PRCP: variants seen among roughly 807,000 people sequenced by gnomAD.
PRCP encodes prolylcarboxypeptidase.
PRCP carries 46 observed loss-of-function variants against 54.2 expected under a neutral mutation model. The observed-to-expected ratio is 0.85, with a 90% confidence interval of 0.67 to 1.09. PRCP has a LOEUF of 1.09. PRCP is among the 50% of genes least tolerant of loss of function. The pLI is 0.00. For missense variants in PRCP, 613 were observed against 596.8 expected, an observed-to-expected ratio of 1.03 and a Z score of -0.28; for synonymous variants, 240 against 212.2, an observed-to-expected ratio of 1.13 and a Z score of -1.14.
At chr11:82,846,083 T>C (rs1319302103) in intron 6 of PRCP, 1 of 152,184 alleles carries the variant, frequency 6.6e-6, no homozygotes, top group Non-Finnish European at 1.5e-5. Flanking sequence ...CTTTTTTTCA[T>C]AACCTAACTG....
At chr11:82,841,289 T>C (rs1858665039) in intron 6 of PRCP, among the ~76,000 whole-genome samples, 1 of 148,412 alleles carries the variant, frequency 6.7e-6, no homozygotes, top group South Asian at 2.1e-4. Context: ...AAAGGAAAAC[T>C]GTAAAAGAGA....
At chr11:82,832,553 T>C (rs1406528383) in intron 8 of PRCP, among the ~76,000 whole-genome samples, 2 of 152,238 alleles carry the variant, frequency 1.3e-5, no homozygotes, top group Admixed American at 6.5e-5. Flanking sequence ...ATGGGGTTAT[T>C]TGTTTTTCTC....
intron 1 of PRCP, among the ~76,000 whole-genome samples, chr11:82,892,996 A>T (rs1860038771): frequency 6.6e-6 from 1 of 152,180 alleles, no homozygotes; most frequent in African/African-American, 2.4e-5. Context: ...TAAGTGACTG[A>T]TTGAGTATGG....
chr11:82,840,612 T>C (rs1390850418), intron 6 of PRCP: 1 of 152,192 alleles, frequency 6.6e-6, no homozygotes, highest in East Asian at 1.9e-4. Context: ...CTTTTCCATA[T>C]GTTTCAAACT....
chr11:82,876,452 G>C (rs1449450970), intron 1 of PRCP, among the ~76,000 whole-genome samples: 1 of 152,070 alleles, frequency 6.6e-6, no homozygotes, highest in Non-Finnish European at 1.5e-5. Flanking sequence ...TTTGCATTTG[G>C]CACGTGATAT....
intron 8 of PRCP, chr11:82,827,894 A>G (rs1858279714): frequency 6.6e-6 from 1 of 152,248 alleles, no homozygotes; most frequent in Admixed American, 6.5e-5. Context: ...CTTCTAATAC[A>G]TAAATATGAG....
At chr11:82,896,678 C>CAA (rs68047129) in intron 1 of PRCP, among the ~76,000 whole-genome samples, 242 of 55,332 alleles carry the variant, frequency 4.4e-3, no homozygotes, top group Non-Finnish European at 4.9e-3. Context: ...GACTCCAACT[C>CAA]AAAAAAAAAA....
intron 1 of PRCP, among the ~76,000 whole-genome samples, chr11:82,877,734 G>A (rs1472572276): frequency 6.6e-6 from 1 of 152,228 alleles, no homozygotes; most frequent in Non-Finnish European, 1.5e-5. Context: ...TTGCTGCAGG[G>A]GTGGAGCCCT....
At chr11:82,834,934 G>A (rs1858482660) in intron 8 of PRCP, among the ~76,000 whole-genome samples, 1 of 152,180 alleles carries the variant, frequency 6.6e-6, no homozygotes, top group Non-Finnish European at 1.5e-5. Flanking sequence ...AATTAGCCAG[G>A]TGAGCTGTAG....
At chr11:82,877,580 C>A (rs1426972373) in intron 1 of PRCP, among the ~76,000 whole-genome samples, 2 of 152,238 alleles carry the variant, frequency 1.3e-5, no homozygotes, top group South Asian at 2.1e-4. Context: ...TAGGCTGTGA[C>A]TTCAGAGGGT....
intron 3 of PRCP, among the ~76,000 whole-genome samples, chr11:82,852,511 G>C (rs1342978608): frequency 6.6e-6 from 1 of 152,156 alleles, no homozygotes; most frequent in East Asian, 1.9e-4. Context: ...CCTTGGTTAA[G>C]ATAATGCTAA....
At chr11:82,895,534 C>A (rs1254065058) in intron 1 of PRCP, among the ~76,000 whole-genome samples, 1 of 152,156 alleles carries the variant, frequency 6.6e-6, no homozygotes, top group Non-Finnish European at 1.5e-5. Context: ...TAATTTAGAT[C>A]AAGGTCAATC....
chr11:82,899,334 A>G (rs1369472595), intron 1 of PRCP, among the ~76,000 whole-genome samples: 3 of 152,226 alleles, frequency 2.0e-5, no homozygotes, highest in Non-Finnish European at 4.4e-5. Context: ...TCAAGGAACT[A>G]GGCTCACAGA....
intron 1 of PRCP, among the ~76,000 whole-genome samples, chr11:82,886,991 C>T (rs1162489495): frequency 6.6e-6 from 1 of 152,180 alleles, no homozygotes; most frequent in African/African-American, 2.4e-5. Context: ...GTGTTGGAAG[C>T]CCACCTCCAA....
rs1456304516 is a variant in PRCP, at chr11:82,859,985, T to C, written c.301A>G (p.Asn101Asp). ...GNEGDIIWFC[N>D]NTGFMWDVAE... ...CATGAATCTGCACATACCGTGTTAT[T>C]ACAAAACCAGATAATGTCCCCTTCA... Residue 101 changes from asparagine (N) to aspartate (D), a missense_variant, in exon 2 of 9, where the codon AAT becomes GAT. By Grantham distance (23) the Asn-to-Asp change is conservative. Transcript: ENST00000313010. The C allele has an allele frequency of 1.3e-6, 2 of 1,581,778 alleles. No individual in the cohort carries two copies. Among genetic ancestry groups the C allele is most frequent in the African/African-American group, 2.7e-5 (2 of 72,964 alleles).
In PRCP at chr11:82,893,481, T is replaced by C. The variant is rs569153629; in HGVS notation, c.168+6754A>G. Among the ~76,000 whole-genome samples, 15 of 152,314 alleles carry C rather than the reference T, an allele frequency of 9.8e-5. No homozygotes were observed. The South Asian group carries it at 3.1e-3, about 32-fold the overall frequency. On this transcript the variant is annotated intron_variant, in intron 1 of 8. Transcript: ENST00000313010. ...AGTAGTATAGCTCAGTATAATAATT[T>C]AACCTCTCTATATGATAGTTCTCTT...
At chr11:82,880,836 G>GAAA (rs35371555) in intron 1 of PRCP, among the ~76,000 whole-genome samples, 2 of 137,910 alleles carry the variant, frequency 1.5e-5, no homozygotes, top group African/African-American at 5.4e-5. Context: ...CCTTATGGAG[G>GAAA]AAAAAAAAAA....
chr11:82,864,969 C>T (rs975823433), intron 1 of PRCP, among the ~76,000 whole-genome samples: 1 of 144,572 alleles, frequency 6.9e-6, no homozygotes, highest in Non-Finnish European at 1.5e-5. Context: ...TTGGGGACAG[C>T]GGGGGTGGGA....
At chr11:82,884,432 C>G (rs1396930353) in intron 1 of PRCP, among the ~76,000 whole-genome samples, 1 of 152,032 alleles carries the variant, frequency 6.6e-6, no homozygotes, top group Non-Finnish European at 1.5e-5. Flanking sequence ...AATGGTCATA[C>G]CTGTAGTCAA....
Sources: allele counts gnomAD v4.1 joint callset (sites outside exome capture counted in the v4.1 genomes callset), GRCh38; gene constraint gnomAD v4.1.1; transcripts MANE v1.5; gene names NCBI Gene and HGNC (gene_info 2026-07-23, HGNC 2026-07-21).